The following GPC6 variants were observed in gnomAD, a reference collection of about 807,000 sequenced individuals.
GPC6 encodes the protein glypican 6.
A neutral mutation model predicts 55.2 loss-of-function variants in GPC6; 14 were observed. That is an observed-to-expected ratio of 0.25 (90% CI 0.17 to 0.40). The LOEUF is 0.40. GPC6 is among the 10% of genes least tolerant of loss of function. The pLI is 1.00. For synonymous variants in GPC6, 278 were observed against 259.6 expected (o/e 1.07, Z -0.68); for missense variants, 641 against 708.5 (o/e 0.90, Z 1.08).
At chr13:94,256,123 A>G (rs1300453634) in intron 4 of GPC6, among the ~76,000 whole-genome samples, 1 of 152,212 alleles carries the variant, frequency 6.6e-6, no homozygotes, top group Non-Finnish European at 1.5e-5. Flanking sequence ...ATCATGCCTG[A>G]AATAATTATC....
intron 2 of GPC6, among the ~76,000 whole-genome samples, chr13:93,590,000 C>T (rs1877389451): frequency 6.6e-6 from 1 of 152,192 alleles, no homozygotes; most frequent in African/African-American, 2.4e-5. Flanking sequence ...GGTAACTGCT[C>T]AGACTGTACA....
intron 3 of GPC6, among the ~76,000 whole-genome samples, chr13:93,884,408 T>G (rs964307777): frequency 8.5e-5 from 13 of 152,102 alleles, no homozygotes; most frequent in Non-Finnish European, 1.9e-4. Context: ...TCATAGATAT[T>G]TGTTCTAGTC....
rs145421698 is a variant in GPC6 at position 94,023,987 on chromosome 13, C to T, written c.712-3742C>T. 2.5e-3 allele frequency among the ~76,000 whole-genome samples: 384 copies of T among 151,794 alleles called. 2 individuals carry two copies. Among genetic ancestry groups the T allele is most frequent in the African/African-American group, 9.0e-3 (371 of 41,440 alleles). On this transcript the variant is annotated intron_variant, in intron 3 of 8. Transcript: ENST00000377047. ...CAGGTGATGGGGACATTAGATGAGG[C>T]GAAGGTAGCAAAAGGGAGTTCTTTT...
At chr13:94,250,210 T>C (rs1031976583) in intron 4 of GPC6, among the ~76,000 whole-genome samples, 1 of 152,190 alleles carries the variant, frequency 6.6e-6, no homozygotes, top group East Asian at 1.9e-4. Flanking sequence ...AATTTTAATC[T>C]TTTGATACTG....
chr13:94,298,536 G>T (rs1027214683), intron 5 of GPC6, among the ~76,000 whole-genome samples: 2 of 152,128 alleles, frequency 1.3e-5, no homozygotes, highest in Non-Finnish European at 2.9e-5. Context: ...CCTGAGCTCT[G>T]AGCCCAGCTG....
intron 1 of GPC6, among the ~76,000 whole-genome samples, chr13:93,335,785 C>G (rs959456909): frequency 6.6e-6 from 1 of 152,144 alleles, no homozygotes; most frequent in Non-Finnish European, 1.5e-5. Context: ...TTTGAATAAG[C>G]CTGCCATTTC....
chr13:93,425,744 A>G (rs1045003658), intron 1 of GPC6, among the ~76,000 whole-genome samples: 1 of 152,120 alleles, frequency 6.6e-6, no homozygotes, highest in Non-Finnish European at 1.5e-5. Flanking sequence ...ACCATTTCCT[A>G]TGGCATAAAT....
At chr13:93,994,050 G>A (rs138268687) in intron 3 of GPC6, among the ~76,000 whole-genome samples, 83 of 152,126 alleles carry the variant, frequency 5.5e-4, no homozygotes, top group African/African-American at 1.8e-3. Context: ...AAATACTTAC[G>A]TTTATTACAA....
At chr13:93,680,762 A>G (rs769649644) in intron 2 of GPC6, among the ~76,000 whole-genome samples, 4 of 152,172 alleles carry the variant, frequency 2.6e-5, no homozygotes, top group African/African-American at 4.8e-5. Flanking sequence ...ACAAGATCCT[A>G]TGCCGTGGCA....
intron 3 of GPC6, among the ~76,000 whole-genome samples, chr13:94,012,796 T>TAA (rs1882301219): frequency 6.6e-6 from 1 of 152,230 alleles, no homozygotes; most frequent in South Asian, 2.1e-4. Context: ...AGATCCATTA[T>TAA]AAGTATGTAA....
chr13:94,034,807 T>C (rs1344168663), intron 4 of GPC6, among the ~76,000 whole-genome samples: 1 of 151,930 alleles, frequency 6.6e-6, no homozygotes, highest in African/African-American at 2.4e-5. Context: ...CAAAATAATA[T>C]TGGCACAAAG....
chr13:93,481,052 C>A (rs1222582065), intron 1 of GPC6, among the ~76,000 whole-genome samples: 1 of 152,110 alleles, frequency 6.6e-6, no homozygotes, highest in African/African-American at 2.4e-5. Context: ...TTTTTCAGTG[C>A]TACTAGCAAT....
At chr13:93,641,990 A>G (rs1879967207) in intron 2 of GPC6, among the ~76,000 whole-genome samples, 3 of 151,986 alleles carry the variant, frequency 2.0e-5, no homozygotes, top group African/African-American at 4.8e-5. Context: ...TAGACATCTA[A>G]CTGGACTTTT....
chr13:93,689,528 G>A (rs1882175627), intron 2 of GPC6, among the ~76,000 whole-genome samples: 4 of 152,024 alleles, frequency 2.6e-5, no homozygotes, highest in Admixed American at 2.6e-4. Context: ...CATTTTAATA[G>A]GGAAAGCAAC....
At chr13:93,300,277 A>G (rs1224619569) in intron 1 of GPC6, among the ~76,000 whole-genome samples, 1 of 152,218 alleles carries the variant, frequency 6.6e-6, no homozygotes, top group Non-Finnish European at 1.5e-5. Context: ...TCTTTGCACT[A>G]CATTACTGAA....
intron 6 of GPC6, among the ~76,000 whole-genome samples, chr13:94,371,254 C>A (rs67724433): frequency 0.061 from 9,348 of 152,048 alleles, 459 homozygotes; most frequent in East Asian, 0.23. Context: ...AGCTTAATTC[C>A]TCTTGTATTT....
At position 93,934,297 on chromosome 13, in the gene GPC6, C is replaced by G. The variant is rs548753849; in HGVS notation, c.712-93432C>G. On this transcript the variant is annotated intron_variant, in intron 3 of 8. Transcript: ENST00000377047. ...TAAGTTATAGACCAAATTCTGAAGA[C>G]TTAGTATGGAAAAAAGAATATAAGG... is the stretch of plus-strand genomic sequence containing the variant. Among the ~76,000 whole-genome samples, 3 of 152,052 alleles carry G rather than the reference C, an allele frequency of 2.0e-5. No homozygotes were observed. In the East Asian group the frequency reaches 5.8e-4, roughly 29 times the overall value.
chr13:94,177,478 G>A (rs1386062240), intron 4 of GPC6, among the ~76,000 whole-genome samples: 6 of 151,854 alleles, frequency 4.0e-5, no homozygotes, highest in African/African-American at 9.7e-5. Flanking sequence ...CAACAGTCTT[G>A]AACTAACAAT....
At chr13:93,368,357 C>T (rs951769088) in intron 1 of GPC6, among the ~76,000 whole-genome samples, 3 of 112,084 alleles carry the variant, frequency 2.7e-5, no homozygotes, top group African/African-American at 3.0e-5. Context: ...TCCTTCCTTC[C>T]TTCCTTCCTT....
Sources: allele counts gnomAD v4.1 joint callset (sites outside exome capture counted in the v4.1 genomes callset), GRCh38; gene constraint gnomAD v4.1.1; transcripts MANE v1.5; gene names NCBI Gene and HGNC (gene_info 2026-07-23, HGNC 2026-07-21).